The following COL8A1 variants were observed in gnomAD, a reference collection of about 807,000 sequenced individuals.
The protein encoded by COL8A1 is collagen type VIII alpha 1 chain, also known as collagen alpha-1(VIII) chain.
In COL8A1, 21 loss-of-function variants were observed where a neutral mutation model predicts 42.7. The ratio of observed to expected loss-of-function variants is 0.49; its 90% CI spans 0.35 to 0.71. The LOEUF is 0.71. Among genes scored for constraint, COL8A1 ranks in the 30% least tolerant of loss-of-function variants. The probability of loss-of-function intolerance (pLI) is 0.01; values close to 1 mark genes in which losing one functional copy is unlikely to be tolerated. For missense variants in COL8A1, 788 were observed against 962.4 expected, an observed-to-expected ratio of 0.82 and a Z score of 2.40; for synonymous variants, 367 against 369.1, an observed-to-expected ratio of 0.99 and a Z score of 0.06.
chr3:99,640,761 T>C, intron 1 of COL8A1, among the ~76,000 whole-genome samples: 1 of 152,328 alleles, frequency 6.6e-6, no homozygotes, highest in African/African-American at 2.4e-5. Context: ...ACTGCTCTTC[T>C]TAAGCTTTTA....
At chr3:99,768,199 C>A (rs993686912) in intron 2 of COL8A1, among the ~76,000 whole-genome samples, 3 of 152,102 alleles carry the variant, frequency 2.0e-5, no homozygotes, top group Non-Finnish European at 2.9e-5. Context: ...TAAGGAATAC[C>A]GAAAGACATT....
intron 1 of COL8A1, among the ~76,000 whole-genome samples, chr3:99,713,649 G>T (rs564279846): frequency 1.3e-5 from 2 of 152,216 alleles, no homozygotes; most frequent in East Asian, 3.9e-4. Context: ...GGTGAGCTAA[G>T]CACCTTGCCA....
chr3:99,669,123 T>TCATATATATATATATATA (rs1205797913), intron 1 of COL8A1, among the ~76,000 whole-genome samples: 1 of 96,580 alleles, frequency 1.0e-5, no homozygotes, highest in Admixed American at 1.2e-4. Flanking sequence ...CTTAAAAAAA[T>TCATATATATATATATATA]TATATATATA....
chr3:99,681,487 T>C (rs1357001826), intron 1 of COL8A1, among the ~76,000 whole-genome samples: 1 of 152,158 alleles, frequency 6.6e-6, no homozygotes, highest in African/African-American at 2.4e-5. Context: ...AAAAGATTTA[T>C]GAAGAAAGTT....
intron 1 of COL8A1, among the ~76,000 whole-genome samples, chr3:99,695,357 A>AT (rs2107339553): frequency 6.6e-6 from 1 of 152,332 alleles, no homozygotes; most frequent in South Asian, 2.1e-4. Flanking sequence ...TTTAAAAGCC[A>AT]TTTTTGGTAA....
At chr3:99,665,411 G>A (rs62281835) in intron 1 of COL8A1, among the ~76,000 whole-genome samples, 14,473 of 152,198 alleles carry the variant, frequency 0.095, 852 homozygotes, top group Middle Eastern at 0.12. Context: ...CTTTGCCATA[G>A]GGCTGGTTCT....
intron 1 of COL8A1, among the ~76,000 whole-genome samples, chr3:99,669,175 AG>A (rs1938467010): frequency 6.7e-6 from 1 of 148,484 alleles, no homozygotes. Context: ...AGAGAGAGAG[AG>A]AGAGAGGGAC....
At chr3:99,672,310 A>G (rs1461186761) in intron 1 of COL8A1, among the ~76,000 whole-genome samples, 2 of 151,994 alleles carry the variant, frequency 1.3e-5, no homozygotes, top group Non-Finnish European at 2.9e-5. Flanking sequence ...AATAACTATT[A>G]CTTTGATTCA....
intron 2 of COL8A1, among the ~76,000 whole-genome samples, chr3:99,760,809 C>G (rs1941353034): frequency 6.6e-6 from 1 of 152,158 alleles, no homozygotes; most frequent in Non-Finnish European, 1.5e-5. Context: ...TGGCTCAGCA[C>G]AGAGGGTAGG....
chr3:99,730,641 T>C (rs1283506107), intron 1 of COL8A1, among the ~76,000 whole-genome samples: 1 of 152,134 alleles, frequency 6.6e-6, no homozygotes, highest in African/African-American at 2.4e-5. Flanking sequence ...AGTCTTTTTA[T>C]TAAGACTTGT....
rs527781844 is a variant in COL8A1, at chr3:99,661,501, A to G, written c.-129+22837A>G. Among the ~76,000 whole-genome samples the G allele has an allele frequency of 2.0e-5, 3 of 152,342 alleles. No individual in the cohort carries two copies. The South Asian group carries it at 6.2e-4, about 32-fold the overall frequency. ...TTAGTGAGGATATGGAGAAATTGAAAACTTGTGCACTGTTGATGAGAATAT... is the reference window on the plus strand; with the variant it reads ...TTAGTGAGGATATGGAGAAATTGAAGACTTGTGCACTGTTGATGAGAATAT... On this transcript the variant is annotated intron_variant, in intron 1 of 3. Transcript: ENST00000652472.
intron 2 of COL8A1, among the ~76,000 whole-genome samples, chr3:99,777,595 A>G (rs1245343331): frequency 5.9e-5 from 9 of 152,208 alleles, no homozygotes; most frequent in African/African-American, 2.2e-4. Flanking sequence ...GGGTCTCTTT[A>G]TAGTGTAAAT....
intron 2 of COL8A1, among the ~76,000 whole-genome samples, chr3:99,757,952 C>T (rs1941287127): frequency 6.6e-6 from 1 of 152,104 alleles, no homozygotes; most frequent in Admixed American, 6.6e-5. Flanking sequence ...ATAAGTTATT[C>T]TAAAGTGAGA....
At chr3:99,789,702 A>G (rs1309226593) in intron 2 of COL8A1, among the ~76,000 whole-genome samples, 1 of 152,210 alleles carries the variant, frequency 6.6e-6, no homozygotes, top group African/African-American at 2.4e-5. Flanking sequence ...ATTTGTAAAG[A>G]GTGCTATTAA....
At chr3:99,760,511 T>C (rs932948404) in intron 2 of COL8A1, among the ~76,000 whole-genome samples, 1 of 152,176 alleles carries the variant, frequency 6.6e-6, no homozygotes, top group African/African-American at 2.4e-5. Flanking sequence ...TTTTAAAAGA[T>C]AGATAGGAAT....
At chr3:99,670,247 A>C (rs1278301185) in intron 1 of COL8A1, among the ~76,000 whole-genome samples, 1 of 152,124 alleles carries the variant, frequency 6.6e-6, no homozygotes, top group African/African-American at 2.4e-5. Flanking sequence ...GCCAAAAATG[A>C]ATTTAGTAGT....
intron 3 of COL8A1, among the ~76,000 whole-genome samples, chr3:99,793,719 A>G (rs2107458963): frequency 6.6e-6 from 1 of 152,302 alleles, no homozygotes; most frequent in African/African-American, 2.4e-5. Context: ...TACATAAAAA[A>G]AAATTGTCAG....
intron 1 of COL8A1, among the ~76,000 whole-genome samples, chr3:99,706,507 A>ATT (rs1939683247): frequency 6.6e-6 from 1 of 152,174 alleles, no homozygotes; most frequent in South Asian, 2.1e-4. Context: ...CAAACCCTAA[A>ATT]AAGAGTTCCA....
intron 2 of COL8A1, among the ~76,000 whole-genome samples, chr3:99,770,239 A>C (rs1941552413): frequency 6.6e-6 from 1 of 152,170 alleles, no homozygotes; most frequent in Non-Finnish European, 1.5e-5. Context: ...TACTTTCAGG[A>C]CAGGTAGGTC....
Sources: allele counts gnomAD v4.1 joint callset (sites outside exome capture counted in the v4.1 genomes callset), GRCh38; gene constraint gnomAD v4.1.1; transcripts MANE v1.5; gene names NCBI Gene and HGNC (gene_info 2026-07-23, HGNC 2026-07-21).